Variants in CYYR1 observed in about 807,000 individuals in gnomAD.
CYYR1 encodes cysteine and tyrosine-rich protein 1.
A neutral mutation model predicts 15.2 loss-of-function variants in CYYR1; 14 were observed. The ratio of observed to expected loss-of-function variants is 0.92; its 90% confidence interval spans 0.61 to 1.44. The LOEUF (loss-of-function observed/expected upper bound fraction) is 1.44, where lower values mean the gene tolerates loss of function less well. Among genes scored for constraint, CYYR1 ranks in the 40% most tolerant of loss-of-function variants. The pLI, the probability that CYYR1 is intolerant of heterozygous loss-of-function variation, is 0.00. For synonymous variants in CYYR1, 80 were observed against 77.4 expected (o/e 1.03, Z -0.18); for missense variants, 228 against 209.5 (o/e 1.09, Z -0.54).
At chr21:26,534,690 T>G (rs1362169365) in intron 2 of CYYR1, among the ~76,000 whole-genome samples, 1 of 152,128 alleles carries the variant, frequency 6.6e-6, no homozygotes, top group Non-Finnish European at 1.5e-5. Context: ...AACTGTTCCC[T>G]CCCTTTCAGG....
At chr21:26,509,332 A>C (rs1040295661) in intron 2 of CYYR1, among the ~76,000 whole-genome samples, 1 of 152,224 alleles carries the variant, frequency 6.6e-6, no homozygotes, top group African/African-American at 2.4e-5. Context: ...GTTACATTTT[A>C]CGTGAGTTCT....
intron 2 of CYYR1, among the ~76,000 whole-genome samples, chr21:26,496,674 T>G (rs1270159076): frequency 6.6e-6 from 1 of 152,204 alleles, no homozygotes; most frequent in African/African-American, 2.4e-5. Flanking sequence ...TTTGATTATA[T>G]GAAAATAGAC....
chr21:26,468,351 T>C lies in CYYR1; in HGVS notation c.*150A>G, dbSNP rs887813594. ...TCAGCTTTGAGCAGAGTAGAAATCC[T>C]ATATCTCCTAGCAGGGATATTCCAC... is the stretch of plus-strand genomic sequence containing the variant. On this transcript the variant is annotated 3_prime_UTR_variant, in exon 4 of 4. Transcript: ENST00000652641. 1.1e-5 allele frequency: 8 copies of C among 697,130 alleles called. No homozygotes were observed. The highest frequency in any genetic ancestry group is 1.6e-5 in the Non-Finnish European group (6 of 382,034). 43.2% of individuals were successfully genotyped at this position (697,130 alleles called of 1,614,324 possible).
rs563725771 is a variant in CYYR1 at position 26,543,912 on chromosome 21, T to A, written c.176+22354A>T. The stretch of plus-strand genomic sequence containing the variant: ...CAGAGTGAGACTCCATCTCAAAAAA[T>A]AATAATAATAATAAATAAATAAAAT... On this transcript the variant is annotated intron_variant, in intron 2 of 3. Transcript: ENST00000652641. Among the ~76,000 whole-genome samples the A allele has an allele frequency of 6.6e-5, 10 of 151,390 alleles. No homozygotes were observed. The South Asian group carries it at 1.0e-3, about 16-fold the overall frequency.
intron 2 of CYYR1, among the ~76,000 whole-genome samples, chr21:26,513,492 G>T (rs2065679159): frequency 6.6e-6 from 1 of 152,134 alleles, no homozygotes; most frequent in Non-Finnish European, 1.5e-5. Context: ...CTCCCATAAA[G>T]CTGCTGTGGG....
intron 2 of CYYR1, among the ~76,000 whole-genome samples, chr21:26,540,204 T>C (rs1175141665): frequency 6.6e-6 from 1 of 152,158 alleles, no homozygotes; most frequent in Non-Finnish European, 1.5e-5. Context: ...GGATCACAAC[T>C]GCAAGCTCTT....
intron 2 of CYYR1, among the ~76,000 whole-genome samples, chr21:26,562,797 C>A (rs1980319833): frequency 8.4e-6 from 1 of 119,024 alleles, no homozygotes; most frequent in South Asian, 2.6e-4. Flanking sequence ...GAGACATACA[C>A]AAACACACAC....
chr21:26,547,148 G>A (rs971125109), intron 2 of CYYR1, among the ~76,000 whole-genome samples: 1 of 152,042 alleles, frequency 6.6e-6, no homozygotes, highest in Non-Finnish European at 1.5e-5. Flanking sequence ...GAAACTGATC[G>A]CCTGAAATAC....
intron 2 of CYYR1, among the ~76,000 whole-genome samples, chr21:26,543,460 A>G (rs1293094734): frequency 6.6e-6 from 1 of 152,186 alleles, no homozygotes; most frequent in African/African-American, 2.4e-5. Flanking sequence ...GTTTAAGTGC[A>G]GCAGGGCTCA....
rs192128983 is a variant in CYYR1 at position 26,466,232 on chromosome 21, C to G, written c.*2269G>C. 3 of 152,280 alleles carry G rather than the reference C, an allele frequency of 2.0e-5. No individual in the cohort carries two copies. Among genetic ancestry groups the G allele is most frequent in the East Asian group, 3.9e-4 (2 of 5,178 alleles). The allele number at this position is 152,280 out of a possible 1,614,324, so 9.4% of individuals were successfully genotyped here. ...AATATAATCTGTGTTATAATAGGTT[C>G]TTTCACTTTATTGCTTATTGTAAAC... On this transcript the variant is annotated 3_prime_UTR_variant, in exon 4 of 4. Coordinates refer to ENST00000652641, the MANE Select transcript of CYYR1 (RefSeq NM_001320768.2).
intron 2 of CYYR1, among the ~76,000 whole-genome samples, chr21:26,534,616 A>G (rs1176956944): frequency 1.3e-5 from 2 of 151,944 alleles, no homozygotes; most frequent in Non-Finnish European, 2.9e-5. Flanking sequence ...ACCACCTTGC[A>G]CTATAGACTG....
intron 2 of CYYR1, among the ~76,000 whole-genome samples, chr21:26,520,117 T>G (rs1194006796): frequency 8.7e-5 from 5 of 57,278 alleles, no homozygotes; most frequent in African/African-American, 3.2e-4. Context: ...CCAGGAGATA[T>G]ATATATATAT....
intron 2 of CYYR1, among the ~76,000 whole-genome samples, chr21:26,509,203 C>T (rs1392488139): frequency 6.6e-6 from 1 of 152,174 alleles, no homozygotes; most frequent in Non-Finnish European, 1.5e-5. Context: ...CTCTCAGTCA[C>T]TGTATTCAGC....
In CYYR1 at chr21:26,506,059, C is replaced by G. The variant is rs181048823; in HGVS notation, c.177-25630G>C. Among the ~76,000 whole-genome samples, 5 of 152,224 alleles carry G rather than the reference C, an allele frequency of 3.3e-5. No individual in the cohort carries two copies. The East Asian group carries it at 9.7e-4, about 29-fold the overall frequency. On this transcript the variant is annotated intron_variant, in intron 2 of 3. Coordinates refer to ENST00000652641, the MANE Select transcript of CYYR1 (RefSeq NM_001320768.2). ...GAACCATGACCACACCAACATATAGCATGCATCCGTCATCTCAATAGGCCC... is the reference window on the plus strand; with the variant it reads ...GAACCATGACCACACCAACATATAGGATGCATCCGTCATCTCAATAGGCCC...
chr21:26,526,467 CA>C (rs1482215659), intron 2 of CYYR1, among the ~76,000 whole-genome samples: 1 of 151,876 alleles, frequency 6.6e-6, no homozygotes, highest in Non-Finnish European at 1.5e-5. Context: ...ACAACAACAA[CA>C]AAAAAGTTAA....
chr21:26,572,133 CT>C (rs1366383504), intron 1 of CYYR1, among the ~76,000 whole-genome samples: 1 of 152,174 alleles, frequency 6.6e-6, no homozygotes, highest in Non-Finnish European at 1.5e-5. Flanking sequence ...AAGAACTTTG[CT>C]TTTAGCTTGC....
rs1224255639 is a variant in CYYR1, at chr21:26,480,257, AAC to A, written c.334+13_334+14del. On this transcript the variant is annotated intron_variant, in intron 3 of 3. Transcript: ENST00000652641. ...TAGCAAATCTGAGCCTTCGAGAGTC[AAC>A]AGTTTTGCTCACCAGGATAGGAGGA... 1 of 1,598,650 alleles carries A rather than the reference AAC, an allele frequency of 6.3e-7. No individual in the cohort carries two copies. Among genetic ancestry groups the A allele is most frequent in the Admixed American group, 1.8e-5 (1 of 56,762 alleles).
At position 26,468,578 on chromosome 21, in the gene CYYR1, G is replaced by A; in HGVS notation, c.391C>T (p.Pro131Ser). 1.9e-6 allele frequency: 3 copies of A among 1,613,670 alleles called. No homozygotes were observed. Among genetic ancestry groups the A allele is most frequent in the South Asian group, 1.1e-5 (1 of 91,032 alleles). ...HEMEYCADLP[P>S]PYSPTPQGPA... ...CCCTGTGGGGTGGGGGAGTATGGAGGAGGCAAGTCTGCACAGTATTCCATC... is the reference window on the plus strand; with the variant it reads ...CCCTGTGGGGTGGGGGAGTATGGAGAAGGCAAGTCTGCACAGTATTCCATC... Residue 131 changes from proline to serine, a missense_variant, in exon 4 of 4, where the codon CCT (proline) becomes TCT (serine). Pro to Ser is a moderately conservative substitution (Grantham distance 74). Transcript: ENST00000652641.
chr21:26,521,145 TTATC>T (rs2065799684), intron 2 of CYYR1, among the ~76,000 whole-genome samples: 2 of 152,160 alleles, frequency 1.3e-5, no homozygotes, highest in African/African-American at 2.4e-5. Context: ...GTTTACCTGT[TTATC>T]TATGTAACAA....
Sources: allele counts gnomAD v4.1 joint callset (sites outside exome capture counted in the v4.1 genomes callset), GRCh38; gene constraint gnomAD v4.1.1; transcripts MANE v1.5; gene names NCBI Gene and HGNC (gene_info 2026-07-23, HGNC 2026-07-21).